Variants in KLF17 observed in about 807,000 individuals in gnomAD.
KLF17 encodes Krueppel-like factor 17.
In KLF17, 31 loss-of-function variants were observed where a neutral mutation model predicts 34.2. That is an observed-to-expected ratio of 0.91 (90% CI 0.68 to 1.22). The LOEUF is 1.22. Ranked by LOEUF, KLF17 falls within the 50% of genes most tolerant of loss-of-function variation. The pLI is 0.00. For synonymous variants in KLF17, 179 were observed against 186.7 expected, an observed-to-expected ratio of 0.96 and a Z score of 0.34; for missense variants, 478 against 505.2, an observed-to-expected ratio of 0.95 and a Z score of 0.52.
the KLF17 span, among the ~76,000 whole-genome samples, chr1:44,052,499 C>T: frequency 1.3e-5 from 2 of 152,198 alleles, no homozygotes; most frequent in African/African-American, 4.8e-5. Flanking sequence ...GCTATTTACC[C>T]CTGCCCTTCT....
At chr1:44,101,813 GC>G in the KLF17 span, among the ~76,000 whole-genome samples, 3,555 of 152,014 alleles carry the variant, frequency 0.023, 58 homozygotes, top group South Asian at 0.038. Flanking sequence ...GATCACTTGA[GC>G]CCAGGAGTTT....
the KLF17 span, among the ~76,000 whole-genome samples, chr1:44,087,753 TATATATATATATATATACACAC>T: frequency 9.5e-3 from 667 of 69,846 alleles, 1 homozygote; most frequent in Middle Eastern, 0.016. Context: ...TATATATATA[TATATATATATATATATACACAC>T]ACACACACAC....
chr1:44,068,735 G>T, the KLF17 span, among the ~76,000 whole-genome samples: 1 of 152,188 alleles, frequency 6.6e-6, no homozygotes, highest in South Asian at 2.1e-4. Context: ...ACAGGCTGGG[G>T]TTATGTTTTC....
the KLF17 span, chr1:44,103,892 C>A: frequency 1.3e-6 from 1 of 799,372 alleles, no homozygotes; most frequent in Non-Finnish European, 2.2e-6. Context: ...CATCCCAGTG[C>A]CTCCCAGCCA....
At chr1:44,104,703 G>A in the KLF17 span, 104 of 367,168 alleles carry the variant, frequency 2.8e-4, no homozygotes, top group East Asian at 5.2e-3. Flanking sequence ...GTATAGGAGC[G>A]GCATAGCAGC....
the KLF17 span, among the ~76,000 whole-genome samples, chr1:44,049,465 T>A: frequency 5.3e-5 from 8 of 152,214 alleles, no homozygotes; most frequent in African/African-American, 1.9e-4. Context: ...GAATTTCATA[T>A]AGTTAGAATT....
the KLF17 span, chr1:44,074,774 T>G: frequency 6.6e-6 from 1 of 152,316 alleles, no homozygotes; most frequent in Non-Finnish European, 1.5e-5. Flanking sequence ...ATTAAAATAG[T>G]CTTTGTGCTA....
At chr1:44,100,703 C>G in the KLF17 span, among the ~76,000 whole-genome samples, 1 of 151,700 alleles carries the variant, frequency 6.6e-6, no homozygotes, top group Non-Finnish European at 1.5e-5. Context: ...TCACCTAGGC[C>G]GGAGTGCAGT....
At position 44,129,647 on chromosome 1, in the gene KLF17, A is replaced by G. The variant is rs2088078885; in HGVS notation, c.376A>G (p.Ile126Val). The change falls in exon 2 of 4, where the codon ATT becomes GTT. Residue 126 changes from isoleucine (I) to valine (V), a missense_variant. Coordinates refer to ENST00000372299, the MANE Select transcript of KLF17 (RefSeq NM_173484.4). ...RMSPPQQEMT[I>V]FSGPQLMPVG... ...GTCTCCCCCTCAGCAAGAGATGACG[A>G]TTTTCAGTGGGCCCCAACTAATGCC... 1 of 1,613,964 alleles carries G rather than the reference A, an allele frequency of 6.2e-7. No homozygotes were observed. Among genetic ancestry groups the G allele is most frequent in the African/African-American group, 1.3e-5 (1 of 74,882 alleles).
chr1:44,094,910 T>TC, the KLF17 span, among the ~76,000 whole-genome samples: 1 of 149,442 alleles, frequency 6.7e-6, no homozygotes, highest in East Asian at 1.9e-4. Flanking sequence ...TTTATATCTT[T>TC]TTTTTTTTTT....
the KLF17 span, among the ~76,000 whole-genome samples, chr1:44,109,185 GAATGGGGAA>G: frequency 6.6e-6 from 1 of 152,154 alleles, no homozygotes; most frequent in South Asian, 2.1e-4. Flanking sequence ...CTCATTGTGT[GAATGGGGAA>G]AATTTTTCTA....
the KLF17 span, among the ~76,000 whole-genome samples, chr1:44,101,160 C>T: frequency 6.6e-6 from 1 of 152,194 alleles, no homozygotes; most frequent in Non-Finnish European, 1.5e-5. Context: ...CAGATGTTAA[C>T]CTTTTACCAC....
chr1:44,063,791 A>G, the KLF17 span, among the ~76,000 whole-genome samples: 4 of 152,216 alleles, frequency 2.6e-5, no homozygotes, highest in African/African-American at 9.6e-5. Flanking sequence ...CCTATAGTTA[A>G]TAAAAGTTAA....
At chr1:44,101,112 A>G in the KLF17 span, among the ~76,000 whole-genome samples, 1 of 152,218 alleles carries the variant, frequency 6.6e-6, no homozygotes, top group Non-Finnish European at 1.5e-5. Flanking sequence ...TTCCAAGAAT[A>G]CTACAAAGAA....
Position 44,130,551 on chromosome 1 carries a change from G to A in KLF17, c.965G>A (p.Trp322Ter). ...TCTTGCAACTGGGAAAGTTGTTCAT[G>A]GTCTTTCTTCCGTTCTGATGAGCTT... ...PYSCNWESCS[W>*]SFFRSDELRR... Residue 322 changes from tryptophan to a stop codon, truncating the protein, a stop_gained, in exon 3 of 4, where the codon TGG becomes TAG. Transcript: ENST00000372299. LOFTEE classifies it high-confidence loss of function. 2 of 1,614,098 alleles carry A rather than the reference G, an allele frequency of 1.2e-6. No individual in the cohort carries two copies. The highest frequency in any genetic ancestry group is 1.7e-6 in the Non-Finnish European group (2 of 1,179,990).
chr1:44,117,010 TA>T (rs2087885361), upstream of KLF17: 1 of 152,078 alleles, frequency 6.6e-6, no homozygotes, highest in Non-Finnish European at 1.5e-5. Flanking sequence ...CTCAAGCCAA[TA>T]ATCTAGGAGC....
At chr1:44,105,650 A>T in the KLF17 span, 1 of 152,180 alleles carries the variant, frequency 6.6e-6, no homozygotes, top group Non-Finnish European at 1.5e-5. Context: ...GCATTGATTT[A>T]CTTATATTTT....
chr1:44,103,488 C>T, the KLF17 span: 1 of 992,002 alleles, frequency 1.0e-6, no homozygotes, highest in Non-Finnish European at 1.6e-6. Flanking sequence ...CGTGAGGCCC[C>T]CATAGGCCGA....
the KLF17 span, among the ~76,000 whole-genome samples, chr1:44,112,952 C>T: frequency 2.0e-5 from 3 of 152,206 alleles, no homozygotes; most frequent in African/African-American, 7.2e-5. Flanking sequence ...CCTTTTCATT[C>T]CACATCTCAG....
Sources: allele counts gnomAD v4.1 joint callset (sites outside exome capture counted in the v4.1 genomes callset), GRCh38; gene constraint gnomAD v4.1.1; transcripts MANE v1.5; gene names NCBI Gene and HGNC (gene_info 2026-07-23, HGNC 2026-07-21).